OXR1: variants seen among roughly 807,000 people sequenced by gnomAD.
OXR1 encodes the protein oxidation resistance 1.
OXR1 carries 41 observed loss-of-function variants against 104.6 expected under a neutral mutation model. The ratio of observed to expected loss-of-function variants is 0.39; its 90% CI spans 0.31 to 0.51. OXR1 has a LOEUF of 0.51. OXR1 is among the 20% of genes least tolerant of loss of function. The pLI is 0.77. For synonymous variants in OXR1, 348 were observed against 348.4 expected, an observed-to-expected ratio of 1.00 and a Z score of 0.01; for missense variants, 955 against 1,031.9, an observed-to-expected ratio of 0.93 and a Z score of 1.02.
intron 2 of OXR1, among the ~76,000 whole-genome samples, chr8:106,380,349 C>A (rs1338516229): frequency 1.3e-5 from 2 of 152,062 alleles, no homozygotes; most frequent in African/African-American, 4.8e-5. Context: ...ATATACCATA[C>A]TTTACTCATG....
intron 3 of OXR1, among the ~76,000 whole-genome samples, chr8:106,663,186 A>G (rs1032297734): frequency 6.6e-6 from 1 of 152,192 alleles, no homozygotes; most frequent in African/African-American, 2.4e-5. Flanking sequence ...ATTTAATCCT[A>G]ATAAAAACCT....
chr8:106,560,176 A>G (rs1371358363), intron 3 of OXR1, among the ~76,000 whole-genome samples: 1 of 152,168 alleles, frequency 6.6e-6, no homozygotes, highest in Non-Finnish European at 1.5e-5. Flanking sequence ...AATGATTCCT[A>G]GTGGTACTAA....
At chr8:106,398,837 T>C (rs1235804439) in intron 2 of OXR1, among the ~76,000 whole-genome samples, 1 of 152,158 alleles carries the variant, frequency 6.6e-6, no homozygotes, top group African/African-American at 2.4e-5. Context: ...AGTATAAACA[T>C]AGCTATTTGC....
rs1054062561 is a variant in OXR1, at chr8:106,371,018, G to A, written c.23+11382G>A. Among the ~76,000 whole-genome samples the A allele has an allele frequency of 6.6e-5, 10 of 150,802 alleles. No homozygotes were observed. The South Asian group carries it at 1.3e-3, about 19-fold the overall frequency. ...TCTGGTAGAATTCAGCTGTGAATTC[G>A]TCTGGTCCTGGGCTTTTTTTTTTTG... On this transcript the variant is annotated intron_variant, in intron 2 of 16. Transcript: ENST00000517566.
intron 2 of OXR1, among the ~76,000 whole-genome samples, chr8:106,490,751 G>A (rs1263821375): frequency 1.3e-5 from 2 of 152,048 alleles, no homozygotes; most frequent in East Asian, 3.9e-4. Flanking sequence ...AAGTGGGCAA[G>A]CACCCCGGGG....
chr8:106,561,504 C>T (rs1192214181), intron 3 of OXR1, among the ~76,000 whole-genome samples: 1 of 152,220 alleles, frequency 6.6e-6, no homozygotes, highest in Non-Finnish European at 1.5e-5. Context: ...ACTCCCATCT[C>T]CCTGGGACAG....
chr8:106,526,733 C>T (rs767087243), intron 3 of OXR1, among the ~76,000 whole-genome samples: 9 of 152,130 alleles, frequency 5.9e-5, no homozygotes, highest in African/African-American at 1.2e-4. Context: ...TTAGTAGAGA[C>T]AGGTTTTCAC....
chr8:106,414,334 A>C (rs967995604), intron 2 of OXR1, among the ~76,000 whole-genome samples: 1 of 152,078 alleles, frequency 6.6e-6, no homozygotes, highest in African/African-American at 2.4e-5. Flanking sequence ...ATCCTGTGTA[A>C]TTCCGAGAGG....
chr8:106,315,538 C>A (rs1049786129), intron 1 of OXR1, among the ~76,000 whole-genome samples: 1 of 152,132 alleles, frequency 6.6e-6, no homozygotes, highest in Admixed American at 6.5e-5. Flanking sequence ...GATACTAAGA[C>A]AATGTTTTTA....
chr8:106,436,737 G>A (rs1235572971), intron 2 of OXR1, among the ~76,000 whole-genome samples: 1 of 152,112 alleles, frequency 6.6e-6, no homozygotes, highest in Non-Finnish European at 1.5e-5. Flanking sequence ...CTTCCCTGCA[G>A]AAGTAGCAGA....
intron 1 of OXR1, among the ~76,000 whole-genome samples, chr8:106,277,893 G>T (rs1586463382): frequency 6.6e-6 from 1 of 152,206 alleles, no homozygotes; most frequent in Non-Finnish European, 1.5e-5. Context: ...AGTCATAGTG[G>T]CTGGAAAGGT....
chr8:106,694,333 T>C (rs1403907130), intron 7 of OXR1, among the ~76,000 whole-genome samples: 1 of 148,792 alleles, frequency 6.7e-6, no homozygotes, highest in African/African-American at 2.5e-5. Context: ...ACTATCTCAC[T>C]GTTATTGTGG....
rs1220345615 is a variant in OXR1 at position 106,684,353 on chromosome 8, G to A, written c.519G>A (p.Lys173=). Residue 173 remains lysine, a synonymous_variant, in exon 6 of 17, where the codon AAG becomes AAA. Coordinates refer to ENST00000517566, the MANE Select transcript of OXR1 (RefSeq NM_001198533.2). The part of the protein sequence containing the change: ...SPTSSEAEFD[K]TTNPDVHPTE... ...CATCATCTGAGGCTGAATTTGATAA[G>A]ACCACTGTAAGTATCTCTGCTTTGC... The A allele has an allele frequency of 6.6e-6, 10 of 1,514,882 alleles. No homozygotes were observed. In the Admixed American group the frequency reaches 8.4e-5, roughly 13 times the overall value. 93.8% of individuals were successfully genotyped at this position (1,514,882 alleles called of 1,614,324 possible). A position where few individuals can be genotyped will look rare whatever the true frequency, so the allele number is the denominator to read the frequency against.
intron 2 of OXR1, among the ~76,000 whole-genome samples, chr8:106,500,309 C>A (rs572029046): frequency 6.6e-6 from 1 of 152,318 alleles, no homozygotes; most frequent in South Asian, 2.1e-4. Flanking sequence ...CAGGCCTGGG[C>A]CTGCCTGGCC....
rs958439242 is a variant in OXR1 at position 106,507,523 on chromosome 8, G to A, written c.24-11420G>A. Among the ~76,000 whole-genome samples the A allele has an allele frequency of 2.6e-5, 4 of 152,296 alleles. No homozygotes were observed. The South Asian group carries it at 6.2e-4, about 24-fold the overall frequency. On this transcript the variant is annotated intron_variant, in intron 2 of 16. Coordinates refer to ENST00000517566, the MANE Select transcript of OXR1 (RefSeq NM_001198533.2). Reference sequence around the variant, plus strand: ...TTTGAAATTGACTACATGAAGTTACGAAAACCTGAGTTGTTTTGTGAAAGC... The same window carrying A: ...TTTGAAATTGACTACATGAAGTTACAAAAACCTGAGTTGTTTTGTGAAAGC...
intron 3 of OXR1, among the ~76,000 whole-genome samples, chr8:106,617,746 G>A (rs1242852610): frequency 2.0e-5 from 3 of 152,248 alleles, no homozygotes; most frequent in Non-Finnish European, 2.9e-5. Context: ...TTGCTATTAG[G>A]ACTATAAAAT....
At chr8:106,487,547 A>G (rs1302494793) in intron 2 of OXR1, among the ~76,000 whole-genome samples, 2 of 151,572 alleles carry the variant, frequency 1.3e-5, no homozygotes, top group African/African-American at 2.4e-5. Flanking sequence ...AGCATTAGGT[A>G]TATCTCCCGA....
In OXR1 at chr8:106,713,092, A is replaced by G. The variant is rs28921430; in HGVS notation, c.1794-731A>G. Among the ~76,000 whole-genome samples the G allele has an allele frequency of 8.6e-3, 1,311 of 152,112 alleles. 20 individuals are homozygous for G. Among genetic ancestry groups the G allele is most frequent in the South Asian group, 0.05 (239 of 4,826 alleles). On this transcript the variant is annotated intron_variant, in intron 10 of 16. Transcript: ENST00000517566. The stretch of plus-strand genomic sequence containing the variant: ...GCACCTTTTAAATATGTTAGCTGCC[A>G]CGTAAAGAATGGCAATTTTAAAAAT...
chr8:106,373,057 T>G (rs1017702213), intron 2 of OXR1, among the ~76,000 whole-genome samples: 3 of 152,210 alleles, frequency 2.0e-5, no homozygotes, highest in Non-Finnish European at 2.9e-5. Context: ...AGTACTATGT[T>G]GAATCCACAT....
Sources: allele counts gnomAD v4.1 joint callset (sites outside exome capture counted in the v4.1 genomes callset), GRCh38; gene constraint gnomAD v4.1.1; transcripts MANE v1.5; gene names NCBI Gene and HGNC (gene_info 2026-07-23, HGNC 2026-07-21).